MYT1L: variants seen among roughly 807,000 people sequenced by gnomAD.
MYT1L encodes the protein myelin transcription factor 1-like protein.
Under a neutral mutation model 126.7 loss-of-function variants are expected in MYT1L, and 12 were observed. The observed-to-expected ratio is 0.09, with a 90% CI of 0.06 to 0.15. MYT1L has a LOEUF of 0.15. MYT1L is among the 10% of genes least tolerant of loss of function. The pLI is 1.00. For missense variants in MYT1L, 979 were observed against 1,585.2 expected (o/e 0.62, Z 6.49); for synonymous variants, 541 against 604.2 (o/e 0.90, Z 1.53).
At chr2:2,295,623 GAGAC>G (rs1215953756) in intron 1 of MYT1L, among the ~76,000 whole-genome samples, 2 of 113,560 alleles carry the variant, frequency 1.8e-5, no homozygotes, top group Admixed American at 8.4e-5. Flanking sequence ...GAGAGAGAGA[GAGAC>G]AGACAGACAG....
intron 18 of MYT1L, among the ~76,000 whole-genome samples, chr2:1,880,522 G>A (rs1573164097): frequency 6.6e-6 from 1 of 152,300 alleles, no homozygotes; most frequent in South Asian, 2.1e-4. Context: ...AGATGGGGCA[G>A]TCAGGTCTAC....
intron 5 of MYT1L, among the ~76,000 whole-genome samples, chr2:1,986,087 C>A (rs1329134690): frequency 6.6e-6 from 1 of 152,200 alleles, no homozygotes; most frequent in Non-Finnish European, 1.5e-5. Flanking sequence ...CGGAAAAGTG[C>A]CTGGCCCATG....
At chr2:1,884,252 G>A (rs988683652) in intron 18 of MYT1L, among the ~76,000 whole-genome samples, 1 of 152,212 alleles carries the variant, frequency 6.6e-6, no homozygotes, top group African/African-American at 2.4e-5. Context: ...GACTGTTACA[G>A]GACACAGTGA....
chr2:2,140,757 TG>T (rs547374315), intron 3 of MYT1L, among the ~76,000 whole-genome samples: 180 of 152,138 alleles, frequency 1.2e-3, no homozygotes, highest in African/African-American at 4.1e-3. Context: ...TTAATAGAGA[TG>T]GGGTTTCACT....
chr2:2,213,417 C>A (rs2093589817), intron 2 of MYT1L, among the ~76,000 whole-genome samples: 1 of 152,078 alleles, frequency 6.6e-6, no homozygotes, highest in Non-Finnish European at 1.5e-5. Flanking sequence ...TGGGGGTGCA[C>A]AGAGGGTCCC....
intron 3 of MYT1L, among the ~76,000 whole-genome samples, chr2:2,142,089 A>C (rs1172139585): frequency 6.6e-6 from 1 of 152,174 alleles, no homozygotes; most frequent in African/African-American, 2.4e-5. Flanking sequence ...GATCAAATTC[A>C]TATCAAGTTC....
chr2:2,061,467 T>G (rs770273176), intron 3 of MYT1L, among the ~76,000 whole-genome samples: 62 of 151,762 alleles, frequency 4.1e-4, no homozygotes, highest in Non-Finnish European at 2.4e-4. Flanking sequence ...GTTTAGTGCC[T>G]TTGTTCAACC....
chr2:1,892,265 G>T lies in MYT1L; in HGVS notation c.2055C>A (p.Pro685=), dbSNP rs1573298518. 6.5e-7 allele frequency: 1 copy of T among 1,549,330 alleles called. No homozygotes were observed. The highest frequency in any genetic ancestry group is 2.4e-5 in the East Asian group (1 of 40,852). The change falls in exon 15 of 25, where the codon CCC becomes CCA. Residue 685 remains proline (P), a synonymous_variant. Transcript: ENST00000647738. ...TGCTGGTGCTGCTGCTGCTGGGGCT[G>T]GGGTCCTTGCAGTACCGCTTCGCTG... ...YDDAKRYCKD[P]SPSSSSTSSY...
chr2:2,261,107 C>T (rs1273750432), intron 2 of MYT1L, among the ~76,000 whole-genome samples: 1 of 151,880 alleles, frequency 6.6e-6, no homozygotes, highest in East Asian at 1.9e-4. Flanking sequence ...CCCTACCGCC[C>T]TTCCTCCCTG....
intron 9 of MYT1L, among the ~76,000 whole-genome samples, chr2:1,942,259 T>C (rs1463745504): frequency 1.3e-5 from 2 of 152,172 alleles, no homozygotes; most frequent in Non-Finnish European, 2.9e-5. Context: ...TCTGAAGTGG[T>C]ATTGTGCGTC....
rs569937187 is a variant in MYT1L, at chr2:2,176,500, C to CT, written c.-420-3513dup. 8.5e-3 allele frequency among the ~76,000 whole-genome samples: 1,200 copies of CT among 141,744 alleles called. 15 individuals are homozygous for CT. The highest frequency in any genetic ancestry group is 0.023 in the African/African-American group (891 of 38,710). 93.0% of individuals were successfully genotyped at this position (141,744 alleles called of 152,430 possible). On this transcript the variant is annotated intron_variant, in intron 2 of 24. Coordinates refer to ENST00000647738, the MANE Select transcript of MYT1L (RefSeq NM_001303052.2). ...TGCAATATCAATATTTAGGACATAACTTTTTTTTTTTTTTTTTGAGGTGGA... is the reference window on the plus strand; with the variant it reads ...TGCAATATCAATATTTAGGACATAACTTTTTTTTTTTTTTTTTTGAGGTGGA...
At chr2:2,326,235 G>C (rs933678377) in intron 1 of MYT1L, 2 of 152,388 alleles carry the variant, frequency 1.3e-5, no homozygotes, top group African/African-American at 4.8e-5. Context: ...AGAGTCGAGA[G>C]CAGAACAGCA....
chr2:1,949,336 G>T (rs370630007), intron 8 of MYT1L, among the ~76,000 whole-genome samples: 5 of 152,184 alleles, frequency 3.3e-5, no homozygotes, highest in Admixed American at 3.3e-4. Flanking sequence ...TTTAGGTTAC[G>T]CAGGGTTACA....
chr2:2,014,588 C>T (rs1044491800), intron 4 of MYT1L, among the ~76,000 whole-genome samples: 1 of 152,190 alleles, frequency 6.6e-6, no homozygotes, highest in Admixed American at 6.5e-5. Context: ...TCAGGAGCTC[C>T]AGCATCTGTG....
At chr2:2,158,459 G>A (rs368380725) in intron 3 of MYT1L, among the ~76,000 whole-genome samples, 66 of 152,262 alleles carry the variant, frequency 4.3e-4, no homozygotes, top group African/African-American at 1.1e-3. Context: ...TCACAAATGC[G>A]CACCATGAGA....
chr2:2,109,428 T>C (rs1575216745), intron 3 of MYT1L, among the ~76,000 whole-genome samples: 1 of 151,564 alleles, frequency 6.6e-6, no homozygotes, highest in Non-Finnish European at 1.5e-5. Context: ...AGGTAGGAGG[T>C]GAATTGAGAT....
intron 8 of MYT1L, among the ~76,000 whole-genome samples, chr2:1,957,902 C>T (rs1210313940): frequency 6.6e-6 from 1 of 152,318 alleles, no homozygotes; most frequent in South Asian, 2.1e-4. Context: ...GACCATATCA[C>T]TCATTTAAGG....
chr2:2,052,414 T>TA (rs925086154), intron 4 of MYT1L, among the ~76,000 whole-genome samples: 35 of 152,120 alleles, frequency 2.3e-4, no homozygotes, highest in African/African-American at 8.0e-4. Flanking sequence ...AAGTATAGGT[T>TA]AAAAAAATGT....
intron 4 of MYT1L, among the ~76,000 whole-genome samples, chr2:2,023,513 C>T (rs1473879132): frequency 6.6e-6 from 1 of 152,174 alleles, no homozygotes; most frequent in African/African-American, 2.4e-5. Flanking sequence ...TGGGTAGTGC[C>T]TAATATCCAG....
Sources: gnomAD v4.1 joint callset for allele counts (sites outside exome capture counted in the v4.1 genomes callset) on GRCh38, gnomAD v4.1.1 for gene constraint, MANE v1.5 for transcripts, NCBI Gene and HGNC (gene_info 2026-07-23, HGNC 2026-07-21) for gene names.